PLPPR4: variants seen among roughly 807,000 people sequenced by gnomAD.
The protein encoded by PLPPR4 is phospholipid phosphatase related 4.
PLPPR4 carries 24 observed loss-of-function variants against 56.6 expected under a neutral mutation model. The observed-to-expected ratio is 0.42, with a 90% confidence interval of 0.31 to 0.60. PLPPR4 has a LOEUF of 0.60. Among genes scored for constraint, PLPPR4 ranks in the 20% least tolerant of loss-of-function variants. The probability of loss-of-function intolerance (pLI) is 0.13; values close to 1 mark genes in which losing one functional copy is unlikely to be tolerated. For synonymous variants in PLPPR4, 326 were observed against 328.1 expected, an observed-to-expected ratio of 0.99 and a Z score of 0.07; for missense variants, 654 against 885.8, an observed-to-expected ratio of 0.74 and a Z score of 3.32.
At position 99,296,870 on chromosome 1, in the gene PLPPR4, G is replaced by T; in HGVS notation, c.394+3G>T. ...CAGACGAGCTGTCAGATTCGTTGGT[G>T]GGTGTGGGGAACCACAAAGAAAAGA... is the stretch of plus-strand genomic sequence containing the variant. On this transcript the variant is annotated splice_donor_region_variant and intron_variant, in intron 3 of 6. Coordinates refer to ENST00000370185, the MANE Select transcript of PLPPR4 (RefSeq NM_014839.5). The T allele has an allele frequency of 1.3e-6, 2 of 1,566,342 alleles. No individual in the cohort carries two copies. Among genetic ancestry groups the T allele is most frequent in the Non-Finnish European group, 1.7e-6 (2 of 1,151,860 alleles).
chr1:99,274,826 T>C (rs569399639), intron 1 of PLPPR4, among the ~76,000 whole-genome samples: 2 of 152,114 alleles, frequency 1.3e-5, no homozygotes, highest in Non-Finnish European at 2.9e-5. Flanking sequence ...CTTTCCAGAG[T>C]TCTAAAATAT....
intron 1 of PLPPR4, among the ~76,000 whole-genome samples, chr1:99,283,707 T>C (rs1033218483): frequency 1.3e-5 from 2 of 152,196 alleles, no homozygotes; most frequent in Non-Finnish European, 2.9e-5. Flanking sequence ...TCCCAGCACT[T>C]CGAGAGGCCA....
Position 99,264,531 on chromosome 1 carries a change from C to T in PLPPR4, c.-63C>T, listed in dbSNP as rs756954985. On this transcript the variant is annotated 5_prime_UTR_variant, in exon 1 of 7. Coordinates refer to ENST00000370185, the MANE Select transcript of PLPPR4 (RefSeq NM_014839.5). Reference sequence around the variant, plus strand: ...GCGCTTGGGGCTGGAGGAGGCAGCTCGCCTCAGCTGCGCTGTGCACACCTC... The same window carrying T: ...GCGCTTGGGGCTGGAGGAGGCAGCTTGCCTCAGCTGCGCTGTGCACACCTC... 6.4e-7 allele frequency: 1 copy of T among 1,550,942 alleles called. No homozygotes were observed.
chr1:99,286,744 T>A (rs947909369), intron 1 of PLPPR4, among the ~76,000 whole-genome samples: 15 of 152,076 alleles, frequency 9.9e-5, no homozygotes, highest in African/African-American at 3.6e-4. Context: ...ACCAATTAGA[T>A]TGCAGTGAGC....
At chr1:99,288,932 A>C (rs1659545098) in intron 2 of PLPPR4, among the ~76,000 whole-genome samples, 1 of 152,016 alleles carries the variant, frequency 6.6e-6, no homozygotes, top group Non-Finnish European at 1.5e-5. Context: ...AAATAACTAA[A>C]TAAATAAAAT....
chr1:99,284,283 T>C (rs1485756228), intron 1 of PLPPR4, among the ~76,000 whole-genome samples: 3 of 152,194 alleles, frequency 2.0e-5, no homozygotes, highest in African/African-American at 7.2e-5. Context: ...TTTAATTCAT[T>C]ACATTGGGTA....
rs1229735009 is a variant in PLPPR4, at chr1:99,308,080, C to T, written c.*1070C>T. The T allele has an allele frequency of 2.0e-5, 3 of 152,184 alleles. No individual in the cohort carries two copies. The highest frequency in any genetic ancestry group is 2.9e-5 in the Non-Finnish European group (2 of 68,032). The allele number at this position is 152,184 out of a possible 1,614,324, so 9.4% of individuals were successfully genotyped here. The stretch of plus-strand genomic sequence containing the variant: ...CAAGTTTGCCCTTAGATGTCTACAA[C>T]TAGCTGGCATAGGTTGCCATCTTAA... On this transcript the variant is annotated 3_prime_UTR_variant, in exon 7 of 7. Transcript: ENST00000370185.
At chr1:99,293,814 T>C (rs1474836818) in intron 2 of PLPPR4, among the ~76,000 whole-genome samples, 1 of 152,134 alleles carries the variant, frequency 6.6e-6, no homozygotes, top group East Asian at 1.9e-4. Context: ...GGACTGTGAG[T>C]TCTCCCTATG....
intron 2 of PLPPR4, among the ~76,000 whole-genome samples, chr1:99,293,204 C>T (rs141725349): frequency 0.013 from 1,968 of 152,092 alleles, 16 homozygotes; most frequent in Non-Finnish European, 0.02. Context: ...ATAAAAAGAT[C>T]GGCTGATTTG....
intron 4 of PLPPR4, among the ~76,000 whole-genome samples, chr1:99,300,255 T>C (rs941026512): frequency 2.0e-5 from 3 of 152,032 alleles, no homozygotes; most frequent in Non-Finnish European, 4.4e-5. Flanking sequence ...AACAAATCTC[T>C]ATTCTTCTTT....
At chr1:99,267,196 C>T (rs747187628) in intron 1 of PLPPR4, among the ~76,000 whole-genome samples, 3 of 152,190 alleles carry the variant, frequency 2.0e-5, no homozygotes, top group African/African-American at 4.8e-5. Flanking sequence ...GCAACTTACA[C>T]TTTGCCTTTT....
chr1:99,284,847 G>A (rs576857492), intron 1 of PLPPR4, among the ~76,000 whole-genome samples: 1 of 152,248 alleles, frequency 6.6e-6, no homozygotes, highest in Admixed American at 6.5e-5. Context: ...ACGTGTATCA[G>A]TGGCAACATA....
chr1:99,268,286 T>G (rs930695592), intron 1 of PLPPR4, among the ~76,000 whole-genome samples: 2 of 152,372 alleles, frequency 1.3e-5, no homozygotes, highest in South Asian at 4.1e-4. Context: ...CACAAAGAGT[T>G]GGAGGACAGT....
chr1:99,264,383 G>A, upstream of PLPPR4: 2 of 1,328,240 alleles, frequency 1.5e-6, no homozygotes, highest in Admixed American at 2.9e-5. Context: ...GGGAGGAAGA[G>A]GACTGGCCCG....
chr1:99,293,635 A>G (rs1659674794), intron 2 of PLPPR4, among the ~76,000 whole-genome samples: 2 of 152,224 alleles, frequency 1.3e-5, no homozygotes, highest in African/African-American at 2.4e-5. Flanking sequence ...TCAGAATTTA[A>G]TTCTAGCTCC....
chr1:99,300,335 T>C (rs1453150431), intron 4 of PLPPR4, among the ~76,000 whole-genome samples: 2 of 152,058 alleles, frequency 1.3e-5, no homozygotes, highest in African/African-American at 4.8e-5. Context: ...AGATGATCTA[T>C]AATTCTTGAG....
At chr1:99,283,726 G>A (rs548495173) in intron 1 of PLPPR4, among the ~76,000 whole-genome samples, 3 of 152,246 alleles carry the variant, frequency 2.0e-5, no homozygotes, top group South Asian at 2.1e-4. Flanking sequence ...CAAGGCGGGC[G>A]GATCACCGAG....
At chr1:99,265,764 G>T (rs1658878780) in intron 1 of PLPPR4, among the ~76,000 whole-genome samples, 1 of 152,176 alleles carries the variant, frequency 6.6e-6, no homozygotes, top group African/African-American at 2.4e-5. Flanking sequence ...ATGATTGTAA[G>T]GCTTATCTGT....
upstream of PLPPR4, chr1:99,264,178 A>G: frequency 2.0e-6 from 1 of 491,722 alleles, no homozygotes; most frequent in Non-Finnish European, 3.6e-6. Flanking sequence ...TCCTCAGCCT[A>G]ACTACTGCAG....
Sources: gnomAD v4.1 joint callset for allele counts (sites outside exome capture counted in the v4.1 genomes callset) on GRCh38, gnomAD v4.1.1 for gene constraint, MANE v1.5 for transcripts, NCBI Gene and HGNC (gene_info 2026-07-23, HGNC 2026-07-21) for gene names.